Variants in MTUS1 observed in about 807,000 individuals in gnomAD.
MTUS1 encodes microtubule associated scaffold protein 1.
In MTUS1, 109 loss-of-function variants were observed where a neutral mutation model predicts 120.8. The ratio of observed to expected loss-of-function variants is 0.90; its 90% CI spans 0.77 to 1.06. MTUS1 has a LOEUF of 1.06. Ranked by LOEUF, MTUS1 falls within the 50% of genes least tolerant of loss-of-function variation. The pLI is 0.00. For synonymous variants in MTUS1, 737 were observed against 550.5 expected, an observed-to-expected ratio of 1.34 and a Z score of -4.74; for missense variants, 2,210 against 1,486.3, an observed-to-expected ratio of 1.49 and a Z score of -8.01.
chr8:17,780,048 T>A (rs879544746), intron 1 of MTUS1, among the ~76,000 whole-genome samples: 4 of 152,144 alleles, frequency 2.6e-5, no homozygotes, highest in Admixed American at 2.0e-4. Flanking sequence ...GGGAGATGAC[T>A]GGGTTATGGG....
intron 3 of MTUS1, among the ~76,000 whole-genome samples, chr8:17,738,147 T>C (rs1401169354): frequency 6.6e-6 from 1 of 152,186 alleles, no homozygotes; most frequent in Non-Finnish European, 1.5e-5. Context: ...CCTTTTGAAA[T>C]GTGGTTTCTC....
chr8:17,797,938 C>G (rs1331600388), intron 1 of MTUS1, among the ~76,000 whole-genome samples: 1 of 152,116 alleles, frequency 6.6e-6, no homozygotes, highest in Non-Finnish European at 1.5e-5. Context: ...CCCGCCCCCC[C>G]AAATAAATAC....
intron 6 of MTUS1, 134 bp downstream of exon 6, chr8:17,713,080 A>G (rs1289982362): frequency 1.4e-6 from 1 of 740,022 alleles, no homozygotes; most frequent in Non-Finnish European, 2.4e-6. Context: ...GACCCGTCAT[A>G]AAAAGTTAGG....
At chr8:17,706,169 A>C (rs1820118809) in intron 6 of MTUS1, 1 of 152,196 alleles carries the variant, frequency 6.6e-6, no homozygotes, top group South Asian at 2.1e-4. Flanking sequence ...AAAACAATGT[A>C]AAAGATCGCC....
At chr8:17,752,274 A>G (rs1034418945) in intron 2 of MTUS1, among the ~76,000 whole-genome samples, 7 of 152,264 alleles carry the variant, frequency 4.6e-5, no homozygotes, top group Non-Finnish European at 7.3e-5. Flanking sequence ...ACACCAAAAA[A>G]AGTCTCCCAT....
At chr8:17,692,921 C>T (rs1326347721) in intron 6 of MTUS1, among the ~76,000 whole-genome samples, 3 of 152,160 alleles carry the variant, frequency 2.0e-5, no homozygotes, top group South Asian at 2.1e-4. Context: ...TGCCATCCCT[C>T]GATACGTACG....
chr8:17,784,678 T>C (rs1364345488), intron 1 of MTUS1, among the ~76,000 whole-genome samples: 1 of 152,226 alleles, frequency 6.6e-6, no homozygotes, highest in South Asian at 2.1e-4. Context: ...TACAATAGCA[T>C]GCAGAACAGT....
intron 1 of MTUS1, among the ~76,000 whole-genome samples, chr8:17,771,816 G>C (rs972353214): frequency 2.6e-5 from 4 of 152,238 alleles, no homozygotes; most frequent in Non-Finnish European, 4.4e-5. Flanking sequence ...GTTTACAGTG[G>C]CTGAGTTCAT....
At chr8:17,779,579 A>T (rs1386271094) in intron 1 of MTUS1, among the ~76,000 whole-genome samples, 3 of 151,714 alleles carry the variant, frequency 2.0e-5, no homozygotes, top group Non-Finnish European at 2.9e-5. Context: ...ACACTCACTC[A>T]CTCTCTCTCT....
chr8:17,673,750 C>T (rs183422667), intron 8 of MTUS1, among the ~76,000 whole-genome samples: 28 of 152,266 alleles, frequency 1.8e-4, no homozygotes, highest in African/African-American at 6.5e-4. Context: ...CTACCACACC[C>T]AGCCCAGACA....
rs533656142 is a variant in MTUS1, at chr8:17,777,420, C to G, written c.-154-21459G>C. ...CACCACTGTACTCCAGCTTGGGTGA[C>G]AGAGGGAGACACTGTCTCAAAAAAA... On this transcript the variant is annotated intron_variant, in intron 1 of 14. Transcript: ENST00000693296. Among the ~76,000 whole-genome samples the G allele has an allele frequency of 2.0e-5, 3 of 146,622 alleles. No individual in the cohort carries two copies. In the East Asian group the frequency reaches 6.0e-4, roughly 29 times the overall value.
intron 8 of MTUS1, among the ~76,000 whole-genome samples, chr8:17,656,685 C>T (rs1271600800): frequency 6.6e-6 from 1 of 151,864 alleles, no homozygotes; most frequent in East Asian, 1.9e-4. Context: ...CTTGGCCAGG[C>T]AGAGACATTT....
chr8:17,738,826 A>G (rs180814715), intron 3 of MTUS1, among the ~76,000 whole-genome samples: 1 of 152,258 alleles, frequency 6.6e-6, no homozygotes, highest in Admixed American at 6.5e-5. Context: ...CTGGGCAACA[A>G]GAATTTTAAT....
intron 3 of MTUS1, among the ~76,000 whole-genome samples, chr8:17,742,270 T>TTTTTG (rs1563302041): frequency 8.9e-6 from 1 of 111,938 alleles, no homozygotes; most frequent in Non-Finnish European, 1.8e-5. Context: ...TGCCCAGCTG[T>TTTTTG]TTTTTTTTTT....
At chr8:17,786,152 A>G (rs886813673) in intron 1 of MTUS1, among the ~76,000 whole-genome samples, 2 of 152,150 alleles carry the variant, frequency 1.3e-5, no homozygotes, top group African/African-American at 2.4e-5. Flanking sequence ...GAAAAAACAA[A>G]CAAAAAAAAG....
chr8:17,669,301 C>T (rs1011528134), intron 8 of MTUS1, among the ~76,000 whole-genome samples: 5 of 152,010 alleles, frequency 3.3e-5, no homozygotes, highest in East Asian at 1.9e-4. Flanking sequence ...GGGTCCGCGA[C>T]GGGAGGGGAG....
intron 8 of MTUS1, among the ~76,000 whole-genome samples, chr8:17,665,589 G>C (rs1023319259): frequency 6.6e-6 from 1 of 152,044 alleles, no homozygotes; most frequent in African/African-American, 2.4e-5. Flanking sequence ...TCAAACTCCG[G>C]GCATCAAGCG....
At chr8:17,765,418 C>A (rs1479263617) in intron 1 of MTUS1, among the ~76,000 whole-genome samples, 1 of 152,038 alleles carries the variant, frequency 6.6e-6, no homozygotes, top group Non-Finnish European at 1.5e-5. Flanking sequence ...AACCTGAGGT[C>A]AGGAGTTCAA....
chr8:17,697,424 G>A, intron 6 of MTUS1: 2 of 1,610,088 alleles, frequency 1.2e-6, no homozygotes, highest in South Asian at 2.2e-5. Context: ...CAATTTCCAT[G>A]GACTGTCACA....
Sources: allele counts gnomAD v4.1 joint callset (sites outside exome capture counted in the v4.1 genomes callset), GRCh38; gene constraint gnomAD v4.1.1; transcripts MANE v1.5; gene names NCBI Gene and HGNC (gene_info 2026-07-23, HGNC 2026-07-21).